The following C1orf21 variants were observed in gnomAD, a reference collection of about 807,000 sequenced individuals.
C1orf21 encodes chromosome 1 open reading frame 21, also known as uncharacterized protein C1orf21.
In C1orf21, 3 loss-of-function variants were observed where a neutral mutation model predicts 18.7. The ratio of observed to expected loss-of-function variants is 0.16; its 90% confidence interval spans 0.07 to 0.42. The LOEUF (loss-of-function observed/expected upper bound fraction) is 0.42, where lower values mean the gene tolerates loss of function less well. C1orf21 is among the 10% of genes least tolerant of loss of function. The pLI is 0.99. For missense variants in C1orf21, 104 were observed against 143.6 expected (o/e 0.72, Z 1.41); for synonymous variants, 41 against 46.4 (o/e 0.88, Z 0.47).
At position 184,493,469 on chromosome 1, in the gene C1orf21, C is replaced by A. The variant is rs185300849; in HGVS notation, c.95-14119C>A. Among the ~76,000 whole-genome samples the A allele has an allele frequency of 2.0e-5, 3 of 152,150 alleles. No individual in the cohort carries two copies. In the East Asian group the frequency reaches 5.8e-4, roughly 29 times the overall value. On this transcript the variant is annotated intron_variant, in intron 2 of 5. Coordinates refer to ENST00000235307, the MANE Select transcript of C1orf21 (RefSeq NM_030806.4). The stretch of plus-strand genomic sequence containing the variant: ...TCCTTCAAATTGCAAAACAGTCACA[C>A]GAGTACAAATCTTTATTTAGACTAC...
chr1:184,542,318 AT>A (rs1018639505), intron 3 of C1orf21, among the ~76,000 whole-genome samples: 5 of 152,146 alleles, frequency 3.3e-5, no homozygotes, highest in Admixed American at 6.5e-5. Flanking sequence ...TCGTATCCTT[AT>A]TTTAGAGATG....
At chr1:184,614,590 T>TGGGGGTTTGGGGGGGGGGGGGGG in intron 5 of C1orf21, among the ~76,000 whole-genome samples, 1 of 93,092 alleles carries the variant, frequency 1.1e-5, no homozygotes, top group Non-Finnish European at 2.1e-5. Context: ...TGGGGCGGGG[T>TGGGGGTTTGGGGGGGGGGGGGGG]GGGGGTGGTT....
chr1:184,502,453 A>G (rs1167584819), intron 2 of C1orf21, among the ~76,000 whole-genome samples: 2 of 152,096 alleles, frequency 1.3e-5, no homozygotes, highest in African/African-American at 2.4e-5. Flanking sequence ...CATTCAAACC[A>G]TAGCAACCAC....
chr1:184,438,790 A>G (rs949543085), intron 1 of C1orf21, among the ~76,000 whole-genome samples: 3 of 152,226 alleles, frequency 2.0e-5, no homozygotes, highest in African/African-American at 7.2e-5. Flanking sequence ...TAGAGAGCCC[A>G]TGAAAATATG....
chr1:184,399,480 A>C (rs1571340727), intron 1 of C1orf21, among the ~76,000 whole-genome samples: 1 of 148,406 alleles, frequency 6.7e-6, no homozygotes, highest in South Asian at 2.1e-4. Flanking sequence ...CTCCCACCTC[A>C]GCCTGTCGAG....
chr1:184,596,157 T>C (rs185256258), intron 4 of C1orf21, among the ~76,000 whole-genome samples: 1 of 152,294 alleles, frequency 6.6e-6, no homozygotes, highest in East Asian at 1.9e-4. Flanking sequence ...CTCATGTGCA[T>C]GTGTATGAGT....
intron 4 of C1orf21, 70 bp from the exon 5 acceptor site, chr1:184,598,331 A>G (rs1659544949): frequency 6.8e-7 from 1 of 1,465,082 alleles, no homozygotes; most frequent in South Asian, 1.2e-5. Flanking sequence ...GGGACTCTGC[A>G]TTTTTCCTTT....
intron 3 of C1orf21, among the ~76,000 whole-genome samples, chr1:184,539,385 A>G (rs1025558036): frequency 6.6e-6 from 1 of 152,148 alleles, no homozygotes; most frequent in African/African-American, 2.4e-5. Context: ...TGCTGAATTC[A>G]GTTTGCTTGT....
intron 5 of C1orf21, among the ~76,000 whole-genome samples, chr1:184,613,098 C>A (rs377418379): frequency 1.3e-4 from 20 of 152,216 alleles, no homozygotes; most frequent in African/African-American, 4.8e-4. Flanking sequence ...TACAGGCGCA[C>A]GCCACCACGC....
chr1:184,535,848 A>C lies in C1orf21; in HGVS notation c.189+28166A>C, dbSNP rs541877640. On this transcript the variant is annotated intron_variant, in intron 3 of 5. Coordinates refer to ENST00000235307, the MANE Select transcript of C1orf21 (RefSeq NM_030806.4). Reference sequence around the variant, plus strand: ...GAAATGTACTTCTAGACTATCTCATAGTGGAGCTGTTTCCTCCATTAAAAC... The same window carrying C: ...GAAATGTACTTCTAGACTATCTCATCGTGGAGCTGTTTCCTCCATTAAAAC... 9.2e-5 allele frequency among the ~76,000 whole-genome samples: 14 copies of C among 152,304 alleles called. No homozygotes were observed. The South Asian group carries it at 2.9e-3, about 32-fold the overall frequency.
rs1319431693 is a variant in C1orf21, at chr1:184,505,318, TATATATATATATATATATATATAC to T, written c.95-2268_95-2245del. Among the ~76,000 whole-genome samples, 72 of 128,980 alleles carry T rather than the reference TATATATATATATATATATATATAC, an allele frequency of 5.6e-4. 2 individuals are homozygous for T. In the South Asian group the frequency reaches 7.7e-3, roughly 14 times the overall value. The allele number at this position is 128,980 out of a possible 152,430, so 84.6% of individuals were successfully genotyped here. ...TGATACATAAAGAAATATATATATA[TATATATATATATATATATATATAC>T]ACACATGCCATATATATATAGACAT... On this transcript the variant is annotated intron_variant, in intron 2 of 5. Coordinates refer to ENST00000235307, the MANE Select transcript of C1orf21 (RefSeq NM_030806.4).
At chr1:184,606,549 C>T (rs1297153402) in intron 5 of C1orf21, among the ~76,000 whole-genome samples, 9 of 152,140 alleles carry the variant, frequency 5.9e-5, no homozygotes, top group African/African-American at 2.2e-4. Flanking sequence ...CACTGCACTC[C>T]AGCCTGGGTG....
intron 3 of C1orf21, among the ~76,000 whole-genome samples, chr1:184,586,080 T>C (rs6674023): frequency 0.58 from 88,366 of 152,082 alleles, 27,889 homozygotes; most frequent in African/African-American, 0.85. Context: ...TTTACACTCC[T>C]ACCAACAGTG....
chr1:184,540,540 C>T (rs1013313397), intron 3 of C1orf21, among the ~76,000 whole-genome samples: 1 of 152,094 alleles, frequency 6.6e-6, no homozygotes. Context: ...AGCAATTCTC[C>T]CACCTCAGCT....
At chr1:184,406,407 AC>A (rs1444725992) in intron 1 of C1orf21, among the ~76,000 whole-genome samples, 11 of 152,172 alleles carry the variant, frequency 7.2e-5, no homozygotes, top group Admixed American at 2.6e-4. Flanking sequence ...AGGAAAAAAA[AC>A]ATTGATATTA....
rs1469109679 is a variant in C1orf21, at chr1:184,401,703, C to T, written c.-125+14335C>T. ...TTTAAGTCATTGTTGGAAAAAATTT[C>T]CTTACATCCAGGTTATAGAGCAAGA... is the stretch of plus-strand genomic sequence containing the variant. On this transcript the variant is annotated intron_variant, in intron 1 of 5. Transcript: ENST00000235307. Among the ~76,000 whole-genome samples, 6 of 151,142 alleles carry T rather than the reference C, an allele frequency of 4.0e-5. No individual in the cohort carries two copies. The East Asian group carries it at 1.2e-3, about 29-fold the overall frequency.
At position 184,425,352 on chromosome 1, in the gene C1orf21, A is replaced by G. The variant is rs183021579; in HGVS notation, c.-125+37984A>G. 3.3e-3 allele frequency among the ~76,000 whole-genome samples: 494 copies of G among 148,658 alleles called. 1 individual carries two copies. Among genetic ancestry groups the G allele is most frequent in the African/African-American group, 0.011 (459 of 40,076 alleles). Reference sequence around the variant, plus strand: ...GTGTGATCTTGGCCCTGCAGCCTCCACCTCCTGGGTTCAAGCAATCCTCCT... The same window carrying G: ...GTGTGATCTTGGCCCTGCAGCCTCCGCCTCCTGGGTTCAAGCAATCCTCCT... On this transcript the variant is annotated intron_variant, in intron 1 of 5. Transcript: ENST00000235307.
At chr1:184,427,682 C>T (rs1571352873) in intron 1 of C1orf21, among the ~76,000 whole-genome samples, 1 of 152,166 alleles carries the variant, frequency 6.6e-6, no homozygotes, top group African/African-American at 2.4e-5. Flanking sequence ...ACTTCCTGAT[C>T]TAGTGACCCT....
intron 1 of C1orf21, among the ~76,000 whole-genome samples, chr1:184,439,424 C>T (rs868662665): frequency 6.6e-5 from 10 of 150,902 alleles, no homozygotes; most frequent in Non-Finnish European, 1.2e-4. Context: ...TGATACTACC[C>T]AAGGGCTATC....
Sources: allele counts gnomAD v4.1 joint callset (sites outside exome capture counted in the v4.1 genomes callset), GRCh38; gene constraint gnomAD v4.1.1; transcripts MANE v1.5; gene names NCBI Gene and HGNC (gene_info 2026-07-23, HGNC 2026-07-21).